The following RUNX2 variants were observed in gnomAD, a reference collection of about 807,000 sequenced individuals.
RUNX2 encodes runt-related transcription factor 2.
Under a neutral mutation model 51.7 loss-of-function variants are expected in RUNX2, and 10 were observed. The observed-to-expected ratio is 0.19, with a 90% CI of 0.12 to 0.33. RUNX2 has a LOEUF of 0.33. RUNX2 is among the 10% of genes least tolerant of loss of function. The pLI, the probability that RUNX2 is intolerant of heterozygous loss-of-function variation, is 1.00. For synonymous variants in RUNX2, 276 were observed against 273.6 expected, an observed-to-expected ratio of 1.01 and a Z score of -0.09; for missense variants, 562 against 691.3, an observed-to-expected ratio of 0.81 and a Z score of 2.10.
chr6:45,399,067 G>T (rs1275194816), intron 2 of RUNX2, among the ~76,000 whole-genome samples: 1 of 152,154 alleles, frequency 6.6e-6, no homozygotes, highest in Admixed American at 6.5e-5. Flanking sequence ...CAGTGAGTTT[G>T]AGTTGCTGGG....
intron 2 of RUNX2, among the ~76,000 whole-genome samples, chr6:45,416,508 C>A (rs1798071131): frequency 6.6e-6 from 1 of 152,158 alleles, no homozygotes; most frequent in African/African-American, 2.4e-5. Flanking sequence ...TACAGGAAAT[C>A]TTTAATTTTA....
intron 5 of RUNX2, among the ~76,000 whole-genome samples, chr6:45,485,673 A>ATGTATG (rs760609785): frequency 1.6e-5 from 2 of 124,238 alleles, no homozygotes; most frequent in African/African-American, 6.3e-5. Flanking sequence ...ATGGATATGT[A>ATGTATG]TGTGTGTGTG....
chr6:45,329,962 A>C (rs1344100007), intron 2 of RUNX2, among the ~76,000 whole-genome samples: 1 of 151,824 alleles, frequency 6.6e-6, no homozygotes, highest in Non-Finnish European at 1.5e-5. Flanking sequence ...ACTTACAACT[A>C]ATGACTGGAG....
At chr6:45,428,787 A>G (rs1798454405) in intron 3 of RUNX2, among the ~76,000 whole-genome samples, 1 of 151,946 alleles carries the variant, frequency 6.6e-6, no homozygotes, top group African/African-American at 2.4e-5. Context: ...AATATGCAGT[A>G]AAATAATAAT....
chr6:45,535,573 T>C (rs1264805277), intron 7 of RUNX2, among the ~76,000 whole-genome samples: 6 of 149,644 alleles, frequency 4.0e-5, no homozygotes, highest in South Asian at 2.1e-4. Flanking sequence ...CACTGCACTC[T>C]AGCCTGGGCA....
chr6:45,474,362 AT>A (rs1199340313), intron 5 of RUNX2, among the ~76,000 whole-genome samples: 1 of 139,660 alleles, frequency 7.2e-6, no homozygotes, highest in African/African-American at 3.0e-5. Flanking sequence ...CCATATTTTT[AT>A]GTTTTATATA....
At chr6:45,468,157 C>T (rs79290473) in intron 5 of RUNX2, among the ~76,000 whole-genome samples, 3,071 of 152,240 alleles carry the variant, frequency 0.02, 97 homozygotes, top group African/African-American at 0.07. Context: ...ATTTTAGCCC[C>T]GTACTTCTCA....
At chr6:45,504,404 G>T (rs1357753568) in intron 6 of RUNX2, among the ~76,000 whole-genome samples, 1 of 152,182 alleles carries the variant, frequency 6.6e-6, no homozygotes, top group Non-Finnish European at 1.5e-5. Flanking sequence ...AAAACAGTGA[G>T]ACTCAGAGGC....
At position 45,422,500 on chromosome 6, in the gene RUNX2, C is replaced by T. The variant is rs1798228511; in HGVS notation, c.59-93C>T. 8 of 826,890 alleles carry T rather than the reference C, an allele frequency of 9.7e-6. No individual in the cohort carries two copies. In the Admixed American group the frequency reaches 2.3e-4, roughly 23 times the overall value. The allele number at this position is 826,890 out of a possible 1,614,324, so 51.2% of individuals were successfully genotyped here. A position where few individuals can be genotyped will look rare whatever the true frequency, so the allele number is the denominator to read the frequency against. On this transcript the variant is annotated intron_variant, in intron 2 of 8. Transcript: ENST00000647337. ...CTTTCCCCCCGTCTCGCCTTCACCC[C>T]CCCAATTTCCTCCTTGCCCCTCATT...
chr6:45,360,147 TCAGA>T (rs1264703110), intron 2 of RUNX2, among the ~76,000 whole-genome samples: 1 of 152,162 alleles, frequency 6.6e-6, no homozygotes. Context: ...GAATCTGGAG[TCAGA>T]CTTCCTGGCA....
chr6:45,423,003 C>A, intron 3 of RUNX2, 46 bp downstream of exon 3: 1 of 1,585,346 alleles, frequency 6.3e-7, no homozygotes, highest in South Asian at 1.1e-5. Flanking sequence ...AGCGGCGGAA[C>A]CTGCCCGCCG....
chr6:45,403,039 T>A (rs1325086908), intron 2 of RUNX2, among the ~76,000 whole-genome samples: 1 of 152,140 alleles, frequency 6.6e-6, no homozygotes. Context: ...CCATACTCAA[T>A]GGACATTTTT....
chr6:45,336,112 T>C (rs1239262796), intron 2 of RUNX2, among the ~76,000 whole-genome samples: 1 of 151,344 alleles, frequency 6.6e-6, no homozygotes, highest in Non-Finnish European at 1.5e-5. Context: ...CACCCAGAAT[T>C]CTTCTATTCT....
intron 2 of RUNX2, chr6:45,422,052 G>C (rs949205715): frequency 1.4e-5 from 2 of 147,816 alleles, no homozygotes; most frequent in African/African-American, 4.9e-5. Context: ...GCGGCGGCGC[G>C]GGAGGGCGGA....
intron 2 of RUNX2, among the ~76,000 whole-genome samples, chr6:45,368,346 G>A (rs1213021256): frequency 2.0e-5 from 3 of 152,054 alleles, no homozygotes; most frequent in Admixed American, 6.6e-5. Context: ...CTGTAAAACT[G>A]TGTTCCAGAG....
intron 2 of RUNX2, among the ~76,000 whole-genome samples, chr6:45,353,090 T>C (rs1383185174): frequency 6.6e-6 from 1 of 152,156 alleles, no homozygotes; most frequent in African/African-American, 2.4e-5. Flanking sequence ...ATTAGTCAGT[T>C]GTTTTTACTG....
At chr6:45,373,654 G>A (rs111928541) in intron 2 of RUNX2, among the ~76,000 whole-genome samples, 5,516 of 152,126 alleles carry the variant, frequency 0.036, 142 homozygotes, top group Middle Eastern at 0.058. Flanking sequence ...GGGTTCAAGC[G>A]ATTCTCCTGC....
chr6:45,438,554 G>A (rs997064055), intron 5 of RUNX2, among the ~76,000 whole-genome samples: 2 of 152,300 alleles, frequency 1.3e-5, no homozygotes, highest in African/African-American at 2.4e-5. Flanking sequence ...TTGCTTGATT[G>A]TTACAACACT....
intron 5 of RUNX2, among the ~76,000 whole-genome samples, chr6:45,445,356 G>A (rs1327497691): frequency 6.6e-6 from 1 of 152,162 alleles, no homozygotes; most frequent in Non-Finnish European, 1.5e-5. Flanking sequence ...TTGGTCACAT[G>A]TGAAATAAGG....
Sources: allele counts gnomAD v4.1 joint callset (sites outside exome capture counted in the v4.1 genomes callset), GRCh38; gene constraint gnomAD v4.1.1; transcripts MANE v1.5; gene names NCBI Gene and HGNC (gene_info 2026-07-23, HGNC 2026-07-21).